The following FARP1 variants were observed in gnomAD, a reference collection of about 807,000 sequenced individuals.
FARP1 encodes FERM, ARH/RhoGEF and pleckstrin domain protein 1, also known as FERM, ARHGEF and pleckstrin domain-containing protein 1.
Under a neutral mutation model 128.8 loss-of-function variants are expected in FARP1, and 52 were observed. That is an observed-to-expected ratio of 0.40 (90% CI 0.32 to 0.51). The LOEUF (loss-of-function observed/expected upper bound fraction) is 0.51, where lower values mean the gene tolerates loss of function less well. Ranked by LOEUF, FARP1 falls within the 20% of genes least tolerant of loss-of-function variation. FARP1 has a pLI of 0.45. For synonymous variants in FARP1, 580 were observed against 551.8 expected (o/e 1.05, Z -0.72); for missense variants, 1,333 against 1,367.9 (o/e 0.97, Z 0.40).
chr13:98,254,721 C>G (rs1387325781), intron 2 of FARP1, among the ~76,000 whole-genome samples: 1 of 152,194 alleles, frequency 6.6e-6, no homozygotes, highest in Admixed American at 6.5e-5. Context: ...AGGATCTGAG[C>G]TCACTGCTGG....
chr13:98,152,867 A>G (rs927342405), intron 1 of FARP1, among the ~76,000 whole-genome samples: 4 of 152,158 alleles, frequency 2.6e-5, no homozygotes, highest in Admixed American at 6.6e-5. Context: ...CTGAGTCTAC[A>G]TGAATTTCGC....
chr13:98,202,193 C>T (rs554336338), intron 1 of FARP1, among the ~76,000 whole-genome samples: 11 of 152,208 alleles, frequency 7.2e-5, no homozygotes, highest in Non-Finnish European at 1.0e-4. Flanking sequence ...GTGGCTCCCC[C>T]GGGACAGAGG....
At chr13:98,266,256 G>A (rs1355883052) in intron 2 of FARP1, among the ~76,000 whole-genome samples, 6 of 152,118 alleles carry the variant, frequency 3.9e-5, no homozygotes, top group Non-Finnish European at 8.8e-5. Context: ...TCCCATTCCT[G>A]TGTGATCCAT....
intron 1 of FARP1, among the ~76,000 whole-genome samples, chr13:98,187,084 C>T (rs1431498171): frequency 6.7e-6 from 1 of 149,112 alleles, no homozygotes; most frequent in Non-Finnish European, 1.5e-5. Flanking sequence ...TGAGTTTATA[C>T]CCAGAAGTGG....
intron 3 of FARP1, among the ~76,000 whole-genome samples, chr13:98,348,458 G>A (rs1211329603): frequency 2.0e-5 from 3 of 152,278 alleles, no homozygotes; most frequent in South Asian, 2.1e-4. Context: ...ATGGGGGCGA[G>A]TTCCGGGAGC....
intron 12 of FARP1, 55 bp from the exon 13 acceptor site, chr13:98,395,172 A>C: frequency 1.3e-6 from 2 of 1,528,292 alleles, no homozygotes; most frequent in Non-Finnish European, 1.8e-6. Flanking sequence ...TCAGCCTTGG[A>C]ATAACAGTCT....
At chr13:98,363,115 A>G (rs558427469) in intron 3 of FARP1, among the ~76,000 whole-genome samples, 132 of 152,198 alleles carry the variant, frequency 8.7e-4, no homozygotes, top group Non-Finnish European at 1.3e-3. Context: ...TGTCCTCCCC[A>G]TGGGGTAGTT....
At chr13:98,347,738 G>A (rs192633862) in intron 3 of FARP1, among the ~76,000 whole-genome samples, 12 of 152,164 alleles carry the variant, frequency 7.9e-5, no homozygotes, top group South Asian at 2.1e-4. Flanking sequence ...TATCACCATC[G>A]TGACTGTCAC....
chr13:98,401,202 A>G (rs1890748403), intron 13 of FARP1: 1 of 152,176 alleles, frequency 6.6e-6, no homozygotes, highest in African/African-American at 2.4e-5. Context: ...TGACAACATT[A>G]AAGAATTTAC....
chr13:98,307,504 C>T (rs1694905094), intron 2 of FARP1, among the ~76,000 whole-genome samples: 1 of 152,070 alleles, frequency 6.6e-6, no homozygotes, highest in African/African-American at 2.4e-5. Flanking sequence ...TGTGGGTGTC[C>T]CGAGGTGGTG....
At position 98,451,097 on chromosome 13, in the gene FARP1, T is replaced by TA. The variant is rs1238752504; in HGVS notation, c.*2781dup. On this transcript the variant is annotated 3_prime_UTR_variant, in exon 27 of 27. Coordinates refer to ENST00000319562, the MANE Select transcript of FARP1 (RefSeq NM_005766.4). ...GTCCCTCGAGCGGCTCACCCACTGT[T>TA]ACTAGCATGAGACTGGCTTCAGTGC... The TA allele has an allele frequency of 1.3e-5, 2 of 152,194 alleles. No individual in the cohort carries two copies. Among genetic ancestry groups the TA allele is most frequent in the Non-Finnish European group, 2.9e-5 (2 of 68,036 alleles). 9.4% of individuals were successfully genotyped at this position (152,194 alleles called of 1,614,324 possible). A position where few individuals can be genotyped will look rare whatever the true frequency, so the allele number is the denominator to read the frequency against.
Position 98,330,754 on chromosome 13 carries a change from CA to C in FARP1, c.172-12996del, listed in dbSNP as rs58106642. Reference sequence around the variant, plus strand: ...TGGGCAACAGAGTGAGACTCCATCTCAAAAAAAAAAAATTAAGGTACTCACA... The same window carrying C: ...TGGGCAACAGAGTGAGACTCCATCTCAAAAAAAAAAATTAAGGTACTCACA... On this transcript the variant is annotated intron_variant, in intron 2 of 26. Transcript: ENST00000319562. Among the ~76,000 whole-genome samples, 539 of 147,160 alleles carry C rather than the reference CA, an allele frequency of 3.7e-3. 5 individuals carry two copies. The highest frequency in any genetic ancestry group is 4.2e-3 in the Non-Finnish European group (283 of 66,612).
chr13:98,215,932 A>T (rs1217849971), intron 2 of FARP1, among the ~76,000 whole-genome samples: 2 of 152,044 alleles, frequency 1.3e-5, no homozygotes, highest in Non-Finnish European at 2.9e-5. Context: ...CTGGTACGAT[A>T]GGTGCCTGCC....
rs1271870596 is a variant in FARP1, at chr13:98,449,786, T to C, written c.*1469T>C. ...GCAAAACAACCAACTTTGTCTGTAG[T>C]CTTCATTTTCTGTGTGGGGGGGGAG... On this transcript the variant is annotated 3_prime_UTR_variant, in exon 27 of 27. Coordinates refer to ENST00000319562, the MANE Select transcript of FARP1 (RefSeq NM_005766.4). 2 of 142,408 alleles carry C rather than the reference T, an allele frequency of 1.4e-5. No homozygotes were observed. The highest frequency in any genetic ancestry group is 1.4e-4 in the Admixed American group (2 of 14,218). 8.8% of individuals were successfully genotyped at this position (142,408 alleles called of 1,614,324 possible). A position where few individuals can be genotyped will look rare whatever the true frequency, so the allele number is the denominator to read the frequency against.
At chr13:98,259,988 G>A (rs1883797518) in intron 2 of FARP1, among the ~76,000 whole-genome samples, 1 of 150,642 alleles carries the variant, frequency 6.6e-6, no homozygotes, top group African/African-American at 2.4e-5. Flanking sequence ...AAGGGAATCG[G>A]AATAATTGAT....
At position 98,440,777 on chromosome 13, in the gene FARP1, C is replaced by T; in HGVS notation, c.2737C>T (p.His913Tyr). Residue 913 changes from histidine to tyrosine, a missense_variant, in exon 24 of 27, where the codon CAC becomes TAC. Coordinates refer to ENST00000319562, the MANE Select transcript of FARP1 (RefSeq NM_005766.4). ...QAPHRGNTMV[H>Y]VCWHRNTSVS... is the part of the protein sequence containing the mutation. ...CCCGCACCGCGGCAACACAATGGTG[C>T]ACGTGTGCTGGCACCGCAACACCAG... The T allele has an allele frequency of 1.2e-6, 2 of 1,613,176 alleles. No homozygotes were observed. The highest frequency in any genetic ancestry group is 1.7e-6 in the Non-Finnish European group (2 of 1,179,918).
intron 3 of FARP1, among the ~76,000 whole-genome samples, chr13:98,359,775 A>G (rs1199406864): frequency 6.6e-6 from 1 of 152,224 alleles, no homozygotes; most frequent in Non-Finnish European, 1.5e-5. Context: ...GGTGGGTGGT[A>G]GGCTATGCCA....
intron 2 of FARP1, among the ~76,000 whole-genome samples, chr13:98,285,501 C>G (rs1428093814): frequency 1.3e-5 from 2 of 152,212 alleles, no homozygotes; most frequent in Non-Finnish European, 2.9e-5. Flanking sequence ...GCCTGCTAGA[C>G]ATTAAAACAT....
intron 1 of FARP1, among the ~76,000 whole-genome samples, chr13:98,166,953 T>C (rs753456620): frequency 2.4e-4 from 36 of 152,130 alleles, no homozygotes; most frequent in Non-Finnish European, 5.9e-5. Context: ...TCTTGAACTT[T>C]TGGGCTCAGG....
Sources: gnomAD v4.1 joint callset for allele counts (sites outside exome capture counted in the v4.1 genomes callset) on GRCh38, gnomAD v4.1.1 for gene constraint, MANE v1.5 for transcripts, NCBI Gene and HGNC (gene_info 2026-07-23, HGNC 2026-07-21) for gene names.